PTPN2: variants seen among roughly 807,000 people sequenced by gnomAD.
PTPN2 encodes tyrosine-protein phosphatase non-receptor type 2.
PTPN2 carries 19 observed loss-of-function variants against 57.3 expected under a neutral mutation model. The observed-to-expected ratio is 0.33, with a 90% CI of 0.23 to 0.49. PTPN2 has a LOEUF of 0.49. PTPN2 is among the 20% of genes least tolerant of loss of function. The pLI is 0.99. For synonymous variants in PTPN2, 153 were observed against 164.9 expected, an observed-to-expected ratio of 0.93 and a Z score of 0.55; for missense variants, 358 against 501.1, an observed-to-expected ratio of 0.71 and a Z score of 2.73.
intron 8 of PTPN2, among the ~76,000 whole-genome samples, chr18:12,801,378 TG>T (rs1312901610): frequency 2.6e-5 from 4 of 151,642 alleles, no homozygotes; most frequent in African/African-American, 9.7e-5. Flanking sequence ...CTGGACATGG[TG>T]GTGGGCGCCT....
At chr18:12,854,465 G>A (rs1011721429) in intron 2 of PTPN2, among the ~76,000 whole-genome samples, 2 of 152,146 alleles carry the variant, frequency 1.3e-5, no homozygotes, top group African/African-American at 4.8e-5. Flanking sequence ...TCTGTTTCTG[G>A]CTTCAGAAAA....
At chr18:12,819,615 G>T (rs1411814408) in intron 5 of PTPN2, among the ~76,000 whole-genome samples, 1 of 151,594 alleles carries the variant, frequency 6.6e-6, no homozygotes, top group Non-Finnish European at 1.5e-5. Context: ...GTCACAACAC[G>T]ACTGTACACC....
chr18:12,850,744 AT>A (rs1017391687), intron 2 of PTPN2, among the ~76,000 whole-genome samples: 68 of 147,346 alleles, frequency 4.6e-4, no homozygotes, highest in East Asian at 6.0e-4. Flanking sequence ...TAAGATAGGA[AT>A]TTTTTTTTTT....
intron 2 of PTPN2, among the ~76,000 whole-genome samples, chr18:12,847,631 T>C (rs1210594823): frequency 6.6e-6 from 1 of 151,920 alleles, no homozygotes; most frequent in Non-Finnish European, 1.5e-5. Context: ...TTTTTTTTTT[T>C]TTTGAGAGGG....
At chr18:12,855,451 G>C (rs1415510030) in intron 2 of PTPN2, among the ~76,000 whole-genome samples, 1 of 152,156 alleles carries the variant, frequency 6.6e-6, no homozygotes, top group African/African-American at 2.4e-5. Context: ...GGCTAGGACA[G>C]AGGGAGGGGA....
chr18:12,829,661 A>C (rs931747870), intron 4 of PTPN2, among the ~76,000 whole-genome samples: 3 of 152,006 alleles, frequency 2.0e-5, no homozygotes, highest in African/African-American at 7.2e-5. Flanking sequence ...CTCTCCTGCC[A>C]CTCTCCACCA....
At chr18:12,821,761 C>T (rs2042276470) in intron 5 of PTPN2, among the ~76,000 whole-genome samples, 1 of 152,102 alleles carries the variant, frequency 6.6e-6, no homozygotes, top group South Asian at 2.1e-4. Flanking sequence ...GGGAGTTAGA[C>T]AAGGAGGCAA....
Position 12,805,643 on chromosome 18 carries a change from T to C in PTPN2, c.859-3492A>G, listed in dbSNP as rs112518258. On this transcript the variant is annotated intron_variant, in intron 7 of 8. Transcript: ENST00000309660. ...CAAGACAAAGATGCCTCCTTTCTTTTTTTTTTTTTTTTTTGAGATGGAGTC... is the reference window on the plus strand; with the variant it reads ...CAAGACAAAGATGCCTCCTTTCTTTCTTTTTTTTTTTTTTGAGATGGAGTC... 1.8e-3 allele frequency among the ~76,000 whole-genome samples: 128 copies of C among 71,374 alleles called. 1 individual carries two copies. Among genetic ancestry groups the C allele is most frequent in the Admixed American group, 3.5e-3 (18 of 5,118 alleles). The allele number at this position is 71,374 out of a possible 152,430, so 46.8% of individuals were successfully genotyped here.
intron 8 of PTPN2, among the ~76,000 whole-genome samples, chr18:12,799,451 T>G (rs1400194173): frequency 1.3e-5 from 2 of 151,932 alleles, no homozygotes; most frequent in Non-Finnish European, 2.9e-5. Flanking sequence ...AAACTTGAAA[T>G]TCTTTTGATA....
chr18:12,878,362 AAAAG>A (rs1280058563), intron 1 of PTPN2, among the ~76,000 whole-genome samples: 2 of 151,804 alleles, frequency 1.3e-5, no homozygotes, highest in Non-Finnish European at 2.9e-5. Context: ...AAAAAGGAAA[AAAAG>A]AAAGAAAAAG....
chr18:12,870,494 G>C (rs1248145625), intron 1 of PTPN2, among the ~76,000 whole-genome samples: 1 of 96,926 alleles, frequency 1.0e-5, no homozygotes, highest in Non-Finnish European at 1.8e-5. Flanking sequence ...GAGAGAGAGA[G>C]AGAGAAAAGC....
In PTPN2 at chr18:12,794,407, A is replaced by G. The variant is rs1157458482; in HGVS notation, c.1119T>C (p.Asn373=). The G allele has an allele frequency of 6.2e-7, 1 of 1,614,124 alleles. No individual in the cohort carries two copies. The highest frequency in any genetic ancestry group is 2.2e-5 in the East Asian group (1 of 44,878). Residue 373 remains asparagine, a synonymous_variant, in exon 9 of 9, where the codon AAT becomes AAC. Transcript: ENST00000309660. ...ACCTTTTTCTTTTTCGTTCATTCTC[A>G]TTTAGCCTCTGTTTCATCTGCTGCA... ...QKVQQMKQRL[N]ENERKRKRWL...
At chr18:12,834,807 G>A (rs898232490) in intron 3 of PTPN2, among the ~76,000 whole-genome samples, 1 of 152,192 alleles carries the variant, frequency 6.6e-6, no homozygotes. Context: ...TGATAATGGA[G>A]AAGAACAGTA....
intron 1 of PTPN2, among the ~76,000 whole-genome samples, chr18:12,859,519 T>A (rs73404498): frequency 6.6e-6 from 1 of 152,238 alleles, no homozygotes; most frequent in Non-Finnish European, 1.5e-5. Flanking sequence ...AGTCCCAGCA[T>A]TGAACCAAGG....
At chr18:12,871,997 G>T (rs971843786) in intron 1 of PTPN2, among the ~76,000 whole-genome samples, 1 of 151,304 alleles carries the variant, frequency 6.6e-6, no homozygotes, top group African/African-American at 2.4e-5. Flanking sequence ...GCAGTAAGCC[G>T]AGATCGTGCC....
At chr18:12,874,532 G>GT (rs1176610485) in intron 1 of PTPN2, among the ~76,000 whole-genome samples, 2 of 83,538 alleles carry the variant, frequency 2.4e-5, no homozygotes, top group African/African-American at 8.3e-5. Context: ...CGGGAGGAAG[G>GT]TGGGGGGGGG....
At chr18:12,811,967 T>C (rs1768970813) in intron 7 of PTPN2, among the ~76,000 whole-genome samples, 1 of 152,224 alleles carries the variant, frequency 6.6e-6, no homozygotes, top group South Asian at 2.1e-4. Flanking sequence ...AGCAATGCAA[T>C]TAAACTTCAA....
chr18:12,879,046 A>G (rs1309286876), intron 1 of PTPN2, among the ~76,000 whole-genome samples: 1 of 152,190 alleles, frequency 6.6e-6, no homozygotes, highest in African/African-American at 2.4e-5. Context: ...GACAAAAGGA[A>G]AAGCCAAAAA....
chr18:12,825,747 A>T, intron 5 of PTPN2, 63 bp downstream of exon 5: 1 of 1,446,156 alleles, frequency 6.9e-7, no homozygotes, highest in Non-Finnish European at 9.4e-7. Flanking sequence ...CAAATCTAAT[A>T]ATAAAGAATA....
Sources: gnomAD v4.1 joint callset for allele counts (sites outside exome capture counted in the v4.1 genomes callset) on GRCh38, gnomAD v4.1.1 for gene constraint, MANE v1.5 for transcripts, NCBI Gene and HGNC (gene_info 2026-07-23, HGNC 2026-07-21) for gene names.